The following CCKBR variants were observed in gnomAD, a reference collection of about 807,000 sequenced individuals.
The protein encoded by CCKBR is gastrin/cholecystokinin type B receptor.
CCKBR carries 33 observed loss-of-function variants against 34.6 expected under a neutral mutation model. The observed-to-expected ratio is 0.95, with a 90% CI of 0.72 to 1.27. The LOEUF (loss-of-function observed/expected upper bound fraction) is 1.27. Among genes scored for constraint, CCKBR ranks in the 50% most tolerant of loss-of-function variants. The pLI is 0.00. For missense variants in CCKBR, 652 were observed against 617.4 expected (o/e 1.06, Z -0.59); for synonymous variants, 269 against 267.5 (o/e 1.01, Z -0.06).
chr11:6,270,594 C>T (rs1848284351), intron 3 of CCKBR, 52 bp from the exon 4 acceptor site: 1 of 1,535,760 alleles, frequency 6.5e-7, no homozygotes, highest in East Asian at 2.3e-5. Flanking sequence ...TTTTCTCCAT[C>T]TGTGATTACA....
chr11:6,270,533 A>G, intron 3 of CCKBR, 113 bp from the exon 4 acceptor site: 2 of 1,396,168 alleles, frequency 1.4e-6, no homozygotes, highest in Non-Finnish European at 1.9e-6. Context: ...CCCAAATCCT[A>G]CTCCTACTTC....
chr11:6,261,462 T>TATATATATATACACACACACAC (rs764173521), intron 1 of CCKBR, among the ~76,000 whole-genome samples: 43 of 63,996 alleles, frequency 6.7e-4, no homozygotes, highest in South Asian at 2.8e-3. Context: ...AAAATATATA[T>TATATATATATACACACACACAC]ACACACACAC....
chr11:6,267,478 C>T (rs1027914350), intron 1 of CCKBR, among the ~76,000 whole-genome samples: 1 of 152,132 alleles, frequency 6.6e-6, no homozygotes, highest in Non-Finnish European at 1.5e-5. Flanking sequence ...GTCATCAGGG[C>T]AACACCACAC....
Position 6,271,397 on chromosome 11 carries a change from G to A in CCKBR, c.1198G>A (p.Ala400Thr), listed in dbSNP as rs145064936. The A allele has an allele frequency of 1.2e-6, 2 of 1,613,984 alleles. No homozygotes were observed. Among genetic ancestry groups the A allele is most frequent in the East Asian group, 2.2e-5 (1 of 44,876 alleles). Residue 400 changes from alanine to threonine, a missense_variant, in exon 5 of 5, where the codon GCC becomes ACC. Coordinates refer to ENST00000334619, the MANE Select transcript of CCKBR (RefSeq NM_176875.4). ...CTTCATGCACCGTCGCTTTCGCCAG[G>A]CCTGCCTGGAAACTTGCGCTCGCTG... is the stretch of plus-strand genomic sequence containing the variant. ...YCFMHRRFRQACLETCARCCP... is the reference protein window; with the variant it reads ...YCFMHRRFRQTCLETCARCCP...
Position 6,270,321 on chromosome 11 carries a change from C to T in CCKBR, c.637C>T (p.Arg213Trp), listed in dbSNP as rs1848278734. 1.2e-6 allele frequency: 2 copies of T among 1,612,218 alleles called. No homozygotes were observed. The highest frequency in any genetic ancestry group is 1.7e-6 in the Non-Finnish European group (2 of 1,179,368). The change falls in exon 3 of 5, where the codon CGG becomes TGG. Residue 213 changes from arginine to tryptophan, a missense_variant. Coordinates refer to ENST00000334619, the MANE Select transcript of CCKBR (RefSeq NM_176875.4). Reference sequence around the variant, plus strand: ...GTGCGTGCATCGCTGGCCCAGTGCGCGGGTCCGCCAGACCTGGTGAGCTTG... The same window carrying T: ...GTGCGTGCATCGCTGGCCCAGTGCGTGGGTCCGCCAGACCTGGTGAGCTTG... ...LQCVHRWPSA[R>W]VRQTWSVLLL... is the part of the protein sequence containing the mutation.
intron 1 of CCKBR, chr11:6,264,565 C>T (rs1848182415): frequency 2.9e-6 from 2 of 700,606 alleles, no homozygotes; most frequent in African/African-American, 1.7e-5. Flanking sequence ...TTTTCCTCAT[C>T]CCCAGGAAGA....
In CCKBR at chr11:6,270,777, G is replaced by C. The variant is rs1315793560; in HGVS notation, c.785G>C (p.Arg262Thr). ...DGDSDSDSQS[R>T]VRNQGGLPGA... Reference sequence around the variant, plus strand: ...GACAGTGACAGCGACAGCCAAAGCAGGGTCCGAAACCAAGGCGGGCTGCCA... The same window carrying C: ...GACAGTGACAGCGACAGCCAAAGCACGGTCCGAAACCAAGGCGGGCTGCCA... The change falls in exon 4 of 5, where the codon AGG becomes ACG. Residue 262 changes from arginine (R) to threonine (T), a missense_variant. Physicochemically the swap from Arg to Thr is moderately conservative, Grantham distance 71. Transcript: ENST00000334619. 6.2e-7 allele frequency: 1 copy of C among 1,614,208 alleles called. No homozygotes were observed. Among genetic ancestry groups the C allele is most frequent in the South Asian group, 1.1e-5 (1 of 91,084 alleles).
intron 1 of CCKBR, among the ~76,000 whole-genome samples, chr11:6,268,471 T>C (rs540185780): frequency 6.6e-6 from 1 of 152,172 alleles, no homozygotes; most frequent in South Asian, 2.1e-4. Flanking sequence ...AATCCATCTT[T>C]TAATAGACAA....
intron 1 of CCKBR, among the ~76,000 whole-genome samples, chr11:6,267,296 C>CA: frequency 6.6e-6 from 1 of 151,512 alleles, no homozygotes; most frequent in Non-Finnish European, 1.5e-5. Context: ...TATGGCTATA[C>CA]AAAAATATTT....
chr11:6,270,808 G>A lies in CCKBR; in HGVS notation c.811+5G>A. ...GAAACCAAGGCGGGCTGCCAGGTGG[G>A]GCTGGACCACGTGAGCAAAATCTGG... On this transcript the variant is annotated splice_donor_5th_base_variant and intron_variant, in intron 4 of 4. Transcript: ENST00000334619. 1 of 1,614,098 alleles carries A rather than the reference G, an allele frequency of 6.2e-7. No individual in the cohort carries two copies. The highest frequency in any genetic ancestry group is 8.5e-7 in the Non-Finnish European group (1 of 1,179,992).
rs1445195822 is a variant in CCKBR at position 6,271,121 on chromosome 11, G to A, written c.922G>A (p.Ala308Thr). 1.2e-6 allele frequency: 2 copies of A among 1,613,864 alleles called. No homozygotes were observed. The highest frequency in any genetic ancestry group is 1.1e-5 in the South Asian group (1 of 91,058). The stretch of plus-strand genomic sequence containing the variant: ...TTCCCGGCCTGCCCTGGAGCTGACG[G>A]CGCTGACGGCTCCTGGGCCGGGATC... ...PRSRPALELT[A>T]LTAPGPGSGS... The change falls in exon 5 of 5, where the codon GCG becomes ACG. Residue 308 changes from alanine (A) to threonine (T), a missense_variant. By Grantham distance (58) the Ala-to-Thr change is moderately conservative (BLOSUM62 0). Coordinates refer to ENST00000334619, the MANE Select transcript of CCKBR (RefSeq NM_176875.4).
chr11:6,269,160 T>TG (rs201677404), intron 1 of CCKBR, among the ~76,000 whole-genome samples: 1,847 of 151,818 alleles, frequency 0.012, 13 homozygotes, highest in Middle Eastern at 0.024. Flanking sequence ...ATTTTTTTTT[T>TG]TTTTTTTTTT....
At chr11:6,269,997 G>A (rs117657121) in intron 2 of CCKBR, 77 bp downstream of exon 2, 23,483 of 1,594,596 alleles carry the variant, frequency 0.015, 211 homozygotes, top group Non-Finnish European at 0.017. Flanking sequence ...GGTCTTCCCC[G>A]GTTGGCAGGG....
At chr11:6,262,725 A>AG (rs59378041) in intron 1 of CCKBR, among the ~76,000 whole-genome samples, 28 of 147,754 alleles carry the variant, frequency 1.9e-4, no homozygotes, top group African/African-American at 3.3e-4. Context: ...AGAGAGAGAG[A>AG]AAGAAAAGCA....
At chr11:6,269,316 G>T (rs1483179088) in intron 1 of CCKBR, among the ~76,000 whole-genome samples, 1 of 152,134 alleles carries the variant, frequency 6.6e-6, no homozygotes, top group Non-Finnish European at 1.5e-5. Flanking sequence ...AGTGTACTTG[G>T]GAAGAAGTAT....
intron 1 of CCKBR, among the ~76,000 whole-genome samples, 166 bp from the exon 2 acceptor site, chr11:6,269,503 G>C (rs1848258372): frequency 6.6e-6 from 1 of 152,096 alleles, no homozygotes; most frequent in African/African-American, 2.4e-5. Flanking sequence ...AAACCTCAAG[G>C]GGTTAGAAGG....
intron 1 of CCKBR, chr11:6,264,685 C>G (rs1342120574): frequency 3.4e-6 from 2 of 594,914 alleles, no homozygotes; most frequent in African/African-American, 3.7e-5. Flanking sequence ...ACTGAAGCCA[C>G]TGTCATCACT....
Position 6,271,303 on chromosome 11 carries a change from G to A in CCKBR, c.1104G>A (p.Ser368=), listed in dbSNP as rs1460320709. ...GCCCGGGTGCACACCGAGCACTCTC[G>A]GGTGCTCCTATCTCCTTCATTCACT... ...FDGPGAHRAL[S]GAPISFIHLL... Residue 368 remains serine (S), a synonymous_variant, in exon 5 of 5, where the codon TCG becomes TCA. Transcript: ENST00000334619. 1.9e-6 allele frequency: 3 copies of A among 1,614,074 alleles called. No individual in the cohort carries two copies. The highest frequency in any genetic ancestry group is 2.2e-5 in the East Asian group (1 of 44,890).
At position 6,267,130 on chromosome 11, in the gene CCKBR, C is replaced by T. The variant is rs921011738; in HGVS notation, c.152-2539C>T. Among the ~76,000 whole-genome samples the T allele has an allele frequency of 3.3e-5, 5 of 152,244 alleles. No homozygotes were observed. In the East Asian group the frequency reaches 9.6e-4, roughly 29 times the overall value. On this transcript the variant is annotated intron_variant, in intron 1 of 4. Coordinates refer to ENST00000334619, the MANE Select transcript of CCKBR (RefSeq NM_176875.4). Reference sequence around the variant, plus strand: ...GGTGAGTGAAAGTAAAGGCCTAGGACATTACTGTACACTACTGTAGACTTT... The same window carrying T: ...GGTGAGTGAAAGTAAAGGCCTAGGATATTACTGTACACTACTGTAGACTTT...
Sources: allele counts gnomAD v4.1 joint callset (sites outside exome capture counted in the v4.1 genomes callset), GRCh38; gene constraint gnomAD v4.1.1; transcripts MANE v1.5; gene names NCBI Gene and HGNC (gene_info 2026-07-23, HGNC 2026-07-21).